GALNT13: variants seen among roughly 807,000 people sequenced by gnomAD.
The protein encoded by GALNT13 is polypeptide N-acetylgalactosaminyltransferase 13.
In GALNT13, 28 loss-of-function variants were observed where a neutral mutation model predicts 64.2. The ratio of observed to expected loss-of-function variants is 0.44; its 90% CI spans 0.32 to 0.60. The LOEUF (loss-of-function observed/expected upper bound fraction) is 0.60, where lower values mean the gene tolerates loss of function less well. Among genes scored for constraint, GALNT13 ranks in the 20% least tolerant of loss-of-function variants. The pLI, the probability that GALNT13 is intolerant of heterozygous loss-of-function variation, is 0.05. For synonymous variants in GALNT13, 214 were observed against 224.6 expected (o/e 0.95, Z 0.42); for missense variants, 577 against 669.8 (o/e 0.86, Z 1.53).
intron 3 of GALNT13, among the ~76,000 whole-genome samples, chr2:154,054,745 A>T (rs1699814793): frequency 6.6e-6 from 1 of 152,036 alleles, no homozygotes; most frequent in African/African-American, 2.4e-5. Flanking sequence ...TGGCCAAAAG[A>T]GCAACACCTT....
At chr2:154,208,111 G>T (rs1378654995) in intron 4 of GALNT13, among the ~76,000 whole-genome samples, 2 of 152,118 alleles carry the variant, frequency 1.3e-5, no homozygotes, top group Non-Finnish European at 2.9e-5. Context: ...CTATCATGTA[G>T]TTGGTAAAAA....
chr2:153,784,132 G>A, the GALNT13 span, among the ~76,000 whole-genome samples: 2 of 152,172 alleles, frequency 1.3e-5, no homozygotes. Context: ...CAGACTTGGA[G>A]GGCTCAGAAG....
At chr2:154,305,147 A>G (rs1574057625) in intron 9 of GALNT13, among the ~76,000 whole-genome samples, 2 of 152,250 alleles carry the variant, frequency 1.3e-5, no homozygotes, top group African/African-American at 4.8e-5. Flanking sequence ...TTTTATGACA[A>G]CAATTTCAGC....
intron 9 of GALNT13, among the ~76,000 whole-genome samples, chr2:154,368,832 A>T (rs970561983): frequency 6.6e-6 from 1 of 152,154 alleles, no homozygotes; most frequent in Non-Finnish European, 1.5e-5. Context: ...CTTTTTGGTA[A>T]CTGGTAAGAG....
At chr2:154,046,354 A>G (rs1446020690) in intron 3 of GALNT13, among the ~76,000 whole-genome samples, 1 of 152,072 alleles carries the variant, frequency 6.6e-6, no homozygotes, top group African/African-American at 2.4e-5. Flanking sequence ...CCTGATAACC[A>G]TTTGTAGATA....
the GALNT13 span, among the ~76,000 whole-genome samples, chr2:153,826,857 G>T: frequency 6.6e-6 from 1 of 152,040 alleles, no homozygotes; most frequent in Non-Finnish European, 1.5e-5. Context: ...CCAGATTTTG[G>T]CAGTAGTAAT....
the GALNT13 span, among the ~76,000 whole-genome samples, chr2:153,817,721 T>C: frequency 6.6e-6 from 1 of 151,806 alleles, no homozygotes; most frequent in Non-Finnish European, 1.5e-5. Flanking sequence ...TTAACGAGTG[T>C]CATTGAATAG....
chr2:153,154,455 G>A, the GALNT13 span, among the ~76,000 whole-genome samples: 2 of 151,954 alleles, frequency 1.3e-5, no homozygotes, highest in African/African-American at 2.4e-5. Context: ...GAAAATGTAC[G>A]AATACACCTC....
the GALNT13 span, among the ~76,000 whole-genome samples, chr2:153,830,536 CA>C: frequency 3.3e-5 from 5 of 151,856 alleles, no homozygotes; most frequent in East Asian, 1.9e-4. Context: ...AATTTCATAC[CA>C]AAAAAAGATA....
the GALNT13 span, among the ~76,000 whole-genome samples, chr2:153,369,165 T>C: frequency 2.0e-5 from 3 of 152,100 alleles, no homozygotes; most frequent in Non-Finnish European, 4.4e-5. Context: ...TTGTACCTAA[T>C]AGCAGTTCTT....
At chr2:153,748,801 C>T in the GALNT13 span, among the ~76,000 whole-genome samples, 1 of 151,890 alleles carries the variant, frequency 6.6e-6, no homozygotes, top group Non-Finnish European at 1.5e-5. Flanking sequence ...TCCATTTATG[C>T]TTTGGTTGCC....
At chr2:153,189,730 G>A in the GALNT13 span, among the ~76,000 whole-genome samples, 4 of 151,962 alleles carry the variant, frequency 2.6e-5, no homozygotes, top group African/African-American at 7.2e-5. Context: ...CTGAATAGGA[G>A]TTCTGATACT....
At chr2:153,707,229 T>C in the GALNT13 span, among the ~76,000 whole-genome samples, 1 of 152,188 alleles carries the variant, frequency 6.6e-6, no homozygotes, top group Non-Finnish European at 1.5e-5. Flanking sequence ...GAAAACGGAC[T>C]AATACAAAGA....
At chr2:153,752,881 A>G in the GALNT13 span, among the ~76,000 whole-genome samples, 1 of 152,066 alleles carries the variant, frequency 6.6e-6, no homozygotes. Flanking sequence ...AATAACTCTT[A>G]GATTTGCCTT....
the GALNT13 span, among the ~76,000 whole-genome samples, chr2:153,331,275 T>A: frequency 6.6e-6 from 1 of 151,348 alleles, no homozygotes; most frequent in African/African-American, 2.4e-5. Context: ...ATCAGAGTAA[T>A]GCTCTAATAA....
chr2:154,265,944 C>T (rs895150281), intron 8 of GALNT13, among the ~76,000 whole-genome samples: 2 of 152,118 alleles, frequency 1.3e-5, no homozygotes, highest in African/African-American at 4.8e-5. Flanking sequence ...TGCAGAAATG[C>T]AAGGTTGGTT....
At chr2:154,038,787 T>C (rs1365329574) in intron 3 of GALNT13, among the ~76,000 whole-genome samples, 1 of 152,058 alleles carries the variant, frequency 6.6e-6, no homozygotes. Flanking sequence ...AAAAACCTTC[T>C]GTACAGCAAA....
At chr2:154,238,673 G>A (rs1296187352) in intron 4 of GALNT13, among the ~76,000 whole-genome samples, 1 of 151,894 alleles carries the variant, frequency 6.6e-6, no homozygotes, top group Admixed American at 6.6e-5. Flanking sequence ...TAGTACAGAA[G>A]GAGTCTTCTT....
chr2:154,289,750 C>T (rs978465612), intron 8 of GALNT13, among the ~76,000 whole-genome samples: 19 of 152,194 alleles, frequency 1.2e-4, no homozygotes, highest in African/African-American at 4.6e-4. Flanking sequence ...GTTGGAATAG[C>T]ACCCAGTCTC....
Sources: allele counts gnomAD v4.1 joint callset (sites outside exome capture counted in the v4.1 genomes callset), GRCh38; gene constraint gnomAD v4.1.1; transcripts MANE v1.5; gene names NCBI Gene and HGNC (gene_info 2026-07-23, HGNC 2026-07-21).